The following CCDC191 variants were observed in gnomAD, a reference collection of about 807,000 sequenced individuals.
The protein encoded by CCDC191 is coiled-coil domain-containing protein 191.
CCDC191 carries 99 observed loss-of-function variants against 114.0 expected under a neutral mutation model. That is an observed-to-expected ratio of 0.87 (90% confidence interval 0.74 to 1.03). The LOEUF (loss-of-function observed/expected upper bound fraction) is 1.03, where lower values mean the gene tolerates loss of function less well. Among genes scored for constraint, CCDC191 ranks in the 50% least tolerant of loss-of-function variants. CCDC191 has a pLI of 0.00. For missense variants in CCDC191, 973 were observed against 1,087.0 expected, an observed-to-expected ratio of 0.90 and a Z score of 1.47; for synonymous variants, 351 against 376.0, an observed-to-expected ratio of 0.93 and a Z score of 0.77.
intron 13 of CCDC191, among the ~76,000 whole-genome samples, chr3:113,987,734 T>TA (rs1242895539): frequency 6.6e-6 from 1 of 152,086 alleles, no homozygotes; most frequent in Non-Finnish European, 1.5e-5. Flanking sequence ...AACACTAGGG[T>TA]AACCACTAAA....
intron 13 of CCDC191, among the ~76,000 whole-genome samples, chr3:113,992,726 A>AT (rs1338426678): frequency 1.3e-5 from 2 of 152,102 alleles, no homozygotes; most frequent in African/African-American, 4.8e-5. Context: ...TTAAAGTATA[A>AT]TAAAAAAAAA....
At chr3:113,986,079 G>A (rs2075345012) in intron 13 of CCDC191, among the ~76,000 whole-genome samples, 1 of 152,116 alleles carries the variant, frequency 6.6e-6, no homozygotes, top group Non-Finnish European at 1.5e-5. Flanking sequence ...AATGGAAAAG[G>A]TAGACATCAT....
At chr3:114,008,053 TA>T (rs2076001857) in intron 9 of CCDC191, among the ~76,000 whole-genome samples, 1 of 146,992 alleles carries the variant, frequency 6.8e-6, no homozygotes, top group Admixed American at 6.8e-5. Context: ...TATATATTAC[TA>T]TATATATAAA....
chr3:113,999,807 T>G (rs1019110226), intron 13 of CCDC191, among the ~76,000 whole-genome samples: 1 of 152,254 alleles, frequency 6.6e-6, no homozygotes, highest in African/African-American at 2.4e-5. Flanking sequence ...TAACTTTCTA[T>G]CACAGTATTT....
At chr3:114,029,581 A>G (rs949205116) in intron 7 of CCDC191, among the ~76,000 whole-genome samples, 5 of 152,210 alleles carry the variant, frequency 3.3e-5, no homozygotes, top group Admixed American at 3.3e-4. Context: ...ACAGAGAAAC[A>G]AAATATTTTC....
At chr3:114,004,595 A>G (rs2075914161) in intron 11 of CCDC191, 42 bp downstream of exon 11, 3 of 1,599,578 alleles carry the variant, frequency 1.9e-6, no homozygotes, top group Non-Finnish European at 2.6e-6. Flanking sequence ...ACTCTAGGAG[A>G]GAAGATAACA....
chr3:114,029,793 G>A (rs2076378249), intron 7 of CCDC191, among the ~76,000 whole-genome samples: 1 of 151,742 alleles, frequency 6.6e-6, no homozygotes, highest in Non-Finnish European at 1.5e-5. Context: ...GCAAGGGGGA[G>A]AAAACATAAA....
chr3:114,035,367 C>A (rs560924501), intron 5 of CCDC191, among the ~76,000 whole-genome samples: 111 of 152,240 alleles, frequency 7.3e-4, no homozygotes, highest in African/African-American at 2.6e-3. Flanking sequence ...CTCAAATAAT[C>A]TGGGAATGAT....
At chr3:114,039,000 T>C (rs1210101553) in intron 4 of CCDC191, among the ~76,000 whole-genome samples, 4 of 151,932 alleles carry the variant, frequency 2.6e-5, no homozygotes, top group Non-Finnish European at 5.9e-5. Flanking sequence ...AACAAACCGG[T>C]ACATCCTGCA....
chr3:113,971,487 T>G (rs1940817299), intron 16 of CCDC191, among the ~76,000 whole-genome samples: 1 of 152,238 alleles, frequency 6.6e-6, no homozygotes, highest in East Asian at 1.9e-4. Context: ...TGTTTATTGA[T>G]TTGCATAAGT....
intron 3 of CCDC191, among the ~76,000 whole-genome samples, chr3:114,046,340 C>A (rs1010469769): frequency 2.6e-5 from 4 of 152,206 alleles, no homozygotes; most frequent in African/African-American, 9.6e-5. Flanking sequence ...TAATATCTTA[C>A]AGCATTCACC....
rs1029664596 is a variant in CCDC191, at chr3:114,024,847, T to C, written c.973-5979A>G. ...CACATGTACCCTAAAACTTAAAGTA[T>C]AATTTAAAAAAATGAGGATCTTTGT... is the stretch of plus-strand genomic sequence containing the variant. On this transcript the variant is annotated intron_variant, in intron 7 of 16. Coordinates refer to ENST00000295878, the MANE Select transcript of CCDC191 (RefSeq NM_020817.2). Among the ~76,000 whole-genome samples, 8 of 152,168 alleles carry C rather than the reference T, an allele frequency of 5.3e-5. No homozygotes were observed. The East Asian group carries it at 1.2e-3, about 22-fold the overall frequency.
chr3:113,965,624 C>G (rs1052956968), intron 16 of CCDC191, among the ~76,000 whole-genome samples: 4 of 152,118 alleles, frequency 2.6e-5, no homozygotes, highest in Non-Finnish European at 5.9e-5. Flanking sequence ...GAGTCTTGCT[C>G]TGTCGCCCAG....
chr3:113,987,164 TATATCCGGCAAAAAAC>T (rs1242421828), intron 13 of CCDC191, among the ~76,000 whole-genome samples: 1 of 148,398 alleles, frequency 6.7e-6, no homozygotes, highest in Admixed American at 6.7e-5. Flanking sequence ...CCCACAATTC[TATATCCGGCAAAAAAC>T]ATACTTTAAA....
rs1939925589 is a variant in CCDC191 at position 113,964,596 on chromosome 3, T to A, written c.*559A>T. On this transcript the variant is annotated 3_prime_UTR_variant, in exon 17 of 17. Coordinates refer to ENST00000295878, the MANE Select transcript of CCDC191 (RefSeq NM_020817.2). Reference sequence around the variant, plus strand: ...AAGAGAAGCATCTCTGGTGCCTCAGTTTCTCTGAAATCAGGATAAGCTGCT... The same window carrying A: ...AAGAGAAGCATCTCTGGTGCCTCAGATTCTCTGAAATCAGGATAAGCTGCT... 1 of 152,252 alleles carries A rather than the reference T, an allele frequency of 6.6e-6. No homozygotes were observed. Among genetic ancestry groups the A allele is most frequent in the African/African-American group, 2.4e-5 (1 of 41,464 alleles). 9.4% of individuals were successfully genotyped at this position (152,252 alleles called of 1,614,324 possible). A position where few individuals can be genotyped will look rare whatever the true frequency, so the allele number is the denominator to read the frequency against.
At chr3:114,027,901 G>A (rs1446777151) in intron 7 of CCDC191, among the ~76,000 whole-genome samples, 1 of 152,112 alleles carries the variant, frequency 6.6e-6, no homozygotes, top group African/African-American at 2.4e-5. Flanking sequence ...GCAGCTTTAG[G>A]CTCCTTTAGA....
chr3:113,971,790 T>C (rs1940849680), intron 16 of CCDC191, among the ~76,000 whole-genome samples: 1 of 152,100 alleles, frequency 6.6e-6, no homozygotes, highest in African/African-American at 2.4e-5. Flanking sequence ...ATTTAGCAGT[T>C]TGAAGCCATT....
At chr3:114,019,587 C>G (rs2076215011) in intron 7 of CCDC191, among the ~76,000 whole-genome samples, 1 of 152,190 alleles carries the variant, frequency 6.6e-6, no homozygotes, top group Admixed American at 6.5e-5. Context: ...TTTCAGCAAA[C>G]TTTACATTCC....
At chr3:113,990,273 CAT>C (rs1418579772) in intron 13 of CCDC191, among the ~76,000 whole-genome samples, 2 of 151,802 alleles carry the variant, frequency 1.3e-5, no homozygotes, top group African/African-American at 4.9e-5. Flanking sequence ...ATACTGATCT[CAT>C]AGACATTAAA....
Sources: gnomAD v4.1 joint callset for allele counts (sites outside exome capture counted in the v4.1 genomes callset) on GRCh38, gnomAD v4.1.1 for gene constraint, MANE v1.5 for transcripts, NCBI Gene and HGNC (gene_info 2026-07-23, HGNC 2026-07-21) for gene names.